APTX: variants seen among roughly 807,000 people sequenced by gnomAD.
The protein encoded by APTX is forkhead-associated domain histidine triad-like protein.
A neutral mutation model predicts 42.3 loss-of-function variants in APTX; 33 were observed. The ratio of observed to expected loss-of-function variants is 0.78; its 90% CI spans 0.59 to 1.04. The LOEUF (loss-of-function observed/expected upper bound fraction) is 1.04, where lower values mean the gene tolerates loss of function less well. Among genes scored for constraint, APTX ranks in the 50% least tolerant of loss-of-function variants. The probability of loss-of-function intolerance (pLI) is 0.00; values close to 1 mark genes in which losing one functional copy is unlikely to be tolerated. For missense variants in APTX, 421 were observed against 415.1 expected (o/e 1.01, Z -0.12); for synonymous variants, 130 against 146.7 (o/e 0.89, Z 0.82).
chr9:32,978,223 C>G (rs77322743), intron 6 of APTX, among the ~76,000 whole-genome samples: 6,031 of 152,250 alleles, frequency 0.04, 150 homozygotes, highest in East Asian at 0.11. Context: ...AGTGGGGAAA[C>G]TCAGCAAGGC....
intron 1 of APTX, among the ~76,000 whole-genome samples, chr9:33,007,543 G>C (rs1322425282): frequency 1.3e-5 from 2 of 152,270 alleles, no homozygotes; most frequent in East Asian, 1.9e-4. Context: ...GCATCAACTG[G>C]ACAAGACAAA....
At chr9:33,022,161 T>C (rs1838436140) in intron 1 of APTX, among the ~76,000 whole-genome samples, 1 of 151,994 alleles carries the variant, frequency 6.6e-6, no homozygotes, top group Admixed American at 6.6e-5. Flanking sequence ...AGATACTAAG[T>C]AAAAAGCGAA....
chr9:32,990,271 C>A lies in APTX; in HGVS notation c.-4-376G>T, dbSNP rs183579138. Among the ~76,000 whole-genome samples the A allele has an allele frequency of 1.1e-3, 167 of 152,310 alleles. 2 individuals are homozygous for A. Among genetic ancestry groups the A allele is most frequent in the Admixed American group, 3.2e-3 (49 of 15,302 alleles). On this transcript the variant is annotated intron_variant, in intron 1 of 7. Coordinates refer to ENST00000379817, the MANE Select transcript of APTX (RefSeq NM_001195248.2). ...CACGGCAACCTCCACCTTCCGGGTTCAAGCAATTCTCCTGCCTTAGCCTCC... is the reference window on the plus strand; with the variant it reads ...CACGGCAACCTCCACCTTCCGGGTTAAAGCAATTCTCCTGCCTTAGCCTCC...
Position 32,984,630 on chromosome 9 carries a change from C to T in APTX, c.770+1G>A. 1 of 1,614,144 alleles carries T rather than the reference C, an allele frequency of 6.2e-7. No homozygotes were observed. Among genetic ancestry groups the T allele is most frequent in the Non-Finnish European group, 8.5e-7 (1 of 1,179,978 alleles). ...CCAGCAGCACTACCCACCTGGCTTA[C>T]CTCATACTCGGAATGGCGTGGTAGC... On this transcript the variant is annotated splice_donor_variant, in intron 6 of 7. Coordinates refer to ENST00000379817, the MANE Select transcript of APTX (RefSeq NM_001195248.2). LOFTEE classifies it high-confidence loss of function.
intron 7 of APTX, among the ~76,000 whole-genome samples, chr9:32,974,220 A>C (rs1478615932): frequency 6.6e-6 from 1 of 152,144 alleles, no homozygotes; most frequent in Non-Finnish European, 1.5e-5. Flanking sequence ...TGTCACAATA[A>C]AACACTGACC....
chr9:33,000,845 CT>C (rs74178838), intron 1 of APTX, among the ~76,000 whole-genome samples: 59 of 98,828 alleles, frequency 6.0e-4, no homozygotes, highest in African/African-American at 1.4e-3. Flanking sequence ...TTTTTTTTTT[CT>C]TTTTTTTTTT....
rs141493373 is a variant in APTX, at chr9:32,973,556, T to A, written c.971A>T (p.Gln324Leu). Reference sequence around the variant, plus strand: ...CAGCTGAGGAATGGAAGGCAGCAGCTGCTGGCACTCATGACAACGAAGGGG... The same window carrying A: ...CAGCTGAGGAATGGAAGGCAGCAGCAGCTGGCACTCATGACAACGAAGGGG... ...KLPLRCHECQ[Q>L]LLPSIPQLKE... is the part of the protein sequence containing the mutation. The change falls in exon 8 of 8, where the codon CAG becomes CTG. Residue 324 changes from glutamine (Q) to leucine (L), a missense_variant. By Grantham distance (113) the Gln-to-Leu change is moderately radical. Transcript: ENST00000379817. 2.0e-3 allele frequency: 3,210 copies of A among 1,614,116 alleles called. 5 individuals are homozygous for A. Among genetic ancestry groups the A allele is most frequent in the Non-Finnish European group, 2.6e-3 (3,076 of 1,180,002 alleles).
intron 1 of APTX, among the ~76,000 whole-genome samples, chr9:33,007,357 A>G (rs969093812): frequency 4.6e-5 from 7 of 152,226 alleles, no homozygotes; most frequent in Middle Eastern, 3.2e-3. Flanking sequence ...GAAGTGACAT[A>G]TTTGATGTTC....
intron 1 of APTX, 156 bp downstream of exon 1, chr9:33,001,410 AG>A: frequency 2.6e-6 from 4 of 1,535,594 alleles, no homozygotes; most frequent in Non-Finnish European, 3.5e-6. Context: ...AGCCCAAGGT[AG>A]TAACAGGGGA....
At chr9:32,999,576 G>T (rs1835769232) in intron 1 of APTX, among the ~76,000 whole-genome samples, 1 of 152,200 alleles carries the variant, frequency 6.6e-6, no homozygotes. Flanking sequence ...CATCCTCTGA[G>T]ACAAAAGGAA....
chr9:33,011,475 C>T (rs1295426019), intron 1 of APTX, among the ~76,000 whole-genome samples: 5 of 151,862 alleles, frequency 3.3e-5, no homozygotes, highest in Middle Eastern at 3.4e-3. Flanking sequence ...TTAGTAGAGA[C>T]GGGGTTTCAC....
intron 2 of APTX, among the ~76,000 whole-genome samples, chr9:32,988,686 GAAAAAAAAAAAA>G (rs201425898): frequency 0.023 from 1,635 of 70,962 alleles, 52 homozygotes; most frequent in African/African-American, 0.088. Context: ...ATCTCAGGAG[GAAAAAAAAAAAA>G]AAAAAAAAAA....
intron 1 of APTX, among the ~76,000 whole-genome samples, chr9:33,018,570 GAA>G (rs74178841): frequency 5.0e-4 from 57 of 114,784 alleles, no homozygotes; most frequent in Admixed American, 6.5e-4. Context: ...CTTCGTCTCA[GAA>G]AAAAAAAAAA....
chr9:33,017,493 A>G (rs558418273), intron 1 of APTX, among the ~76,000 whole-genome samples: 21 of 133,496 alleles, frequency 1.6e-4, no homozygotes, highest in African/African-American at 4.7e-4. Flanking sequence ...TTGTAAGGGC[A>G]CTAATCCCAT....
At chr9:33,021,304 G>A (rs1587680444) in intron 1 of APTX, among the ~76,000 whole-genome samples, 2 of 152,236 alleles carry the variant, frequency 1.3e-5, no homozygotes, top group Middle Eastern at 6.8e-3. Context: ...ATGTTCATGA[G>A]TAGGAAGATT....
intron 1 of APTX, among the ~76,000 whole-genome samples, chr9:33,016,996 AACAG>A (rs1837949139): frequency 1.3e-5 from 2 of 152,216 alleles, no homozygotes; most frequent in African/African-American, 4.8e-5. Flanking sequence ...TATAAAACAA[AACAG>A]ACAAAAATCT....
chr9:32,991,247 T>C (rs554831389), intron 1 of APTX, among the ~76,000 whole-genome samples: 2 of 152,062 alleles, frequency 1.3e-5, no homozygotes, highest in African/African-American at 4.8e-5. Context: ...ATTTCTAAAG[T>C]GTGAATGTGA....
intron 5 of APTX, 113 bp from the exon 6 acceptor site, chr9:32,984,970 A>C (rs528093997): frequency 1.0e-6 from 1 of 969,162 alleles, no homozygotes; most frequent in Non-Finnish European, 1.6e-6. Flanking sequence ...AAATGGTTTT[A>C]ATAGCCCAGT....
At chr9:32,989,534 C>A in intron 2 of APTX, 1 of 681,610 alleles carries the variant, frequency 1.5e-6, no homozygotes, top group Non-Finnish European at 2.6e-6. Context: ...ACAGTATGAA[C>A]TTGACTGCTC....
Sources: allele counts gnomAD v4.1 joint callset (sites outside exome capture counted in the v4.1 genomes callset), GRCh38; gene constraint gnomAD v4.1.1; transcripts MANE v1.5; gene names NCBI Gene and HGNC (gene_info 2026-07-23, HGNC 2026-07-21).